UCHL5: variants seen among roughly 807,000 people sequenced by gnomAD.
UCHL5 encodes ubiquitin carboxyl-terminal hydrolase isozyme L5.
UCHL5 carries 34 observed loss-of-function variants against 53.8 expected under a neutral mutation model. The ratio of observed to expected loss-of-function variants is 0.63; its 90% CI spans 0.48 to 0.84. UCHL5 has a LOEUF of 0.84. Among genes scored for constraint, UCHL5 ranks in the 40% least tolerant of loss-of-function variants. The pLI is 0.00. For missense variants in UCHL5, 290 were observed against 385.6 expected, an observed-to-expected ratio of 0.75 and a Z score of 2.08; for synonymous variants, 111 against 126.3, an observed-to-expected ratio of 0.88 and a Z score of 0.81.
Position 193,016,236 on chromosome 1 carries a change from AC to A in UCHL5, c.*114del, listed in dbSNP as rs1654881366. On this transcript the variant is annotated 3_prime_UTR_variant, in exon 11 of 11. Coordinates refer to ENST00000367454, the MANE Select transcript of UCHL5 (RefSeq NM_001199261.3). ...TGCATTAAAGACAAGACAGGCTGGC[AC>A]TATTGCCAAACGTGCACTGAGCCAA... 7 of 1,161,038 alleles carry A rather than the reference AC, an allele frequency of 6.0e-6. No individual in the cohort carries two copies. Among genetic ancestry groups the A allele is most frequent in the Non-Finnish European group, 8.6e-6 (7 of 810,114 alleles). 71.9% of individuals were successfully genotyped at this position (1,161,038 alleles called of 1,614,324 possible).
rs1350080435 is a variant in UCHL5 at position 193,012,449 on chromosome 1, T to C, written c.*3902A>G. On this transcript the variant is annotated 3_prime_UTR_variant, in exon 11 of 11. Transcript: ENST00000367454. ...TAATAAACCATTTAACCATCAAACA[T>C]GATTGCAAATTAATATTCTTAATTA... The C allele has an allele frequency of 6.6e-6, 1 of 152,202 alleles. No individual in the cohort carries two copies. Among genetic ancestry groups the C allele is most frequent in the Non-Finnish European group, 1.5e-5 (1 of 68,026 alleles). The allele number at this position is 152,202 out of a possible 1,614,324, so 9.4% of individuals were successfully genotyped here. A position where few individuals can be genotyped will look rare whatever the true frequency, so the allele number is the denominator to read the frequency against.
intron 1 of UCHL5, among the ~76,000 whole-genome samples, chr1:193,058,717 C>G (rs1175405211): frequency 6.6e-6 from 1 of 152,250 alleles, no homozygotes; most frequent in Non-Finnish European, 1.5e-5. Flanking sequence ...ACCAGAATCT[C>G]GAGTTCCTGG....
chr1:193,016,485 C>CCTTTCAGCT, intron 10 of UCHL5, 90 bp from the exon 11 acceptor site: 1 of 1,202,962 alleles, frequency 8.3e-7, no homozygotes, highest in Non-Finnish European at 1.2e-6. Context: ...TATTCTCAAG[C>CCTTTCAGCT]TGAAAGGCTT....
chr1:193,030,857 T>C (rs1385295309), intron 3 of UCHL5, among the ~76,000 whole-genome samples: 1 of 152,170 alleles, frequency 6.6e-6, no homozygotes, highest in Non-Finnish European at 1.5e-5. Flanking sequence ...GTTCCTGAAC[T>C]GTTGACTGAA....
At chr1:193,051,423 T>A (rs1669003891) in intron 2 of UCHL5, among the ~76,000 whole-genome samples, 1 of 151,594 alleles carries the variant, frequency 6.6e-6, no homozygotes, top group Non-Finnish European at 1.5e-5. Flanking sequence ...TCTTGCTTTT[T>A]ATGTTAAAAT....
intron 9 of UCHL5, among the ~76,000 whole-genome samples, chr1:193,022,085 T>C (rs1657241833): frequency 6.6e-6 from 1 of 152,128 alleles, no homozygotes; most frequent in Non-Finnish European, 1.5e-5. Flanking sequence ...TTGGGAAAGC[T>C]ATTATTTTTT....
At chr1:193,026,710 T>C (rs916864799) in intron 7 of UCHL5, among the ~76,000 whole-genome samples, 1 of 148,616 alleles carries the variant, frequency 6.7e-6, no homozygotes. Context: ...AAAAAAAAAA[T>C]ATCCATTTAC....
At chr1:193,058,119 C>A (rs936880510) in intron 1 of UCHL5, among the ~76,000 whole-genome samples, 1 of 151,792 alleles carries the variant, frequency 6.6e-6, no homozygotes, top group Non-Finnish European at 1.5e-5. Context: ...CCCAGCTACT[C>A]GGGAGGCTGA....
chr1:193,026,628 GT>G (rs1558032361), intron 7 of UCHL5, among the ~76,000 whole-genome samples: 3 of 151,658 alleles, frequency 2.0e-5, no homozygotes, highest in African/African-American at 7.3e-5. Flanking sequence ...GAACTAGACC[GT>G]TCATATATTG....
In UCHL5 at chr1:193,012,397, C is replaced by T. The variant is rs1654284184; in HGVS notation, c.*3954G>A. ...GCATTTCCATATATCTTTTATTCAA[C>T]CCATTTTCATATTGACACTCCAACA... On this transcript the variant is annotated 3_prime_UTR_variant, in exon 11 of 11. Transcript: ENST00000367454. 1 of 152,144 alleles carries T rather than the reference C, an allele frequency of 6.6e-6. No individual in the cohort carries two copies. Among genetic ancestry groups the T allele is most frequent in the African/African-American group, 2.4e-5 (1 of 41,434 alleles). 9.4% of individuals were successfully genotyped at this position (152,144 alleles called of 1,614,324 possible).
At chr1:193,027,001 A>C (rs1157820248) in intron 7 of UCHL5, among the ~76,000 whole-genome samples, 5 of 152,242 alleles carry the variant, frequency 3.3e-5, no homozygotes, top group Admixed American at 6.5e-5. Flanking sequence ...CGAAAAGGCT[A>C]CATATTGTAA....
chr1:193,018,473 T>A, intron 10 of UCHL5: 2 of 948,702 alleles, frequency 2.1e-6, no homozygotes, highest in Non-Finnish European at 2.5e-6. Context: ...CAAGAAGTTT[T>A]ATAACTATAT....
rs1417779429 is a variant in UCHL5 at position 193,014,083 on chromosome 1, C to G, written c.*2268G>C. 6.6e-6 allele frequency: 1 copy of G among 152,012 alleles called. No homozygotes were observed. The highest frequency in any genetic ancestry group is 6.6e-5 in the Admixed American group (1 of 15,252). The allele number at this position is 152,012 out of a possible 1,614,324, so 9.4% of individuals were successfully genotyped here. A position where few individuals can be genotyped will look rare whatever the true frequency, so the allele number is the denominator to read the frequency against. On this transcript the variant is annotated 3_prime_UTR_variant, in exon 11 of 11. Coordinates refer to ENST00000367454, the MANE Select transcript of UCHL5 (RefSeq NM_001199261.3). ...TAGAAAAGACTAAATATGAAATGAG[C>G]AAGATTTTCTATAAAATATCATTTA...
intron 10 of UCHL5, chr1:193,020,594 GA>G: frequency 2.8e-6 from 3 of 1,087,718 alleles, no homozygotes; most frequent in East Asian, 6.3e-5. Flanking sequence ...TGTTACTTAT[GA>G]AAAAAATCAT....
upstream of UCHL5, chr1:193,059,628 C>G: frequency 7.1e-7 from 1 of 1,405,622 alleles, no homozygotes; most frequent in Non-Finnish European, 9.5e-7. This position sits in a 1 kb window ranked among gnomAD's most constrained non-coding sequence, Gnocchi z 4.9. Context: ...TCCCGGGAAC[C>G]GAACCTGGAA....
intron 9 of UCHL5, among the ~76,000 whole-genome samples, chr1:193,021,786 C>T (rs1657116350): frequency 6.6e-6 from 1 of 152,102 alleles, no homozygotes; most frequent in Non-Finnish European, 1.5e-5. Context: ...TTCATTTAAA[C>T]TTCATATAAA....
intron 10 of UCHL5, among the ~76,000 whole-genome samples, chr1:193,017,887 T>C (rs1197769965): frequency 1.3e-5 from 2 of 151,404 alleles, no homozygotes; most frequent in Admixed American, 6.6e-5. Flanking sequence ...AGAAAGTAAA[T>C]AGTGCCTAAA....
intron 1 of UCHL5, 59 bp from the exon 2 acceptor site, chr1:193,051,876 GAAATA>G (rs2102867060): frequency 1.6e-6 from 2 of 1,240,768 alleles, no homozygotes; most frequent in Non-Finnish European, 2.3e-6. Context: ...CCTTCAACAT[GAAATA>G]AAATATTAAC....
chr1:193,059,843 C>T, upstream of UCHL5: 3 of 1,361,870 alleles, frequency 2.2e-6, no homozygotes, highest in Non-Finnish European at 2.9e-6. The surrounding 1 kb of genome is among the most constrained non-coding windows in gnomAD (Gnocchi z 4.9). Flanking sequence ...AAATTCTGAC[C>T]AGTCCTCCAT....
Sources: allele counts gnomAD v4.1 joint callset (sites outside exome capture counted in the v4.1 genomes callset), GRCh38; gene constraint gnomAD v4.1.1; non-coding constraint Gnocchi (gnomAD v3.1); transcripts MANE v1.5; gene names NCBI Gene and HGNC (gene_info 2026-07-23, HGNC 2026-07-21).